The following SPECC1L variants were observed in gnomAD, a reference collection of about 807,000 sequenced individuals.
SPECC1L encodes the protein sperm antigen with calponin homology and coiled-coil domains 1 like.
SPECC1L carries 40 observed loss-of-function variants against 116.8 expected under a neutral mutation model. The observed-to-expected ratio is 0.34, with a 90% CI of 0.27 to 0.45. The LOEUF (loss-of-function observed/expected upper bound fraction) is 0.45, where lower values mean the gene tolerates loss of function less well. Ranked by LOEUF, SPECC1L falls within the 20% of genes least tolerant of loss-of-function variation. SPECC1L has a pLI of 1.00. For synonymous variants in SPECC1L, 504 were observed against 500.6 expected, an observed-to-expected ratio of 1.01 and a Z score of -0.09; for missense variants, 1,110 against 1,373.6, an observed-to-expected ratio of 0.81 and a Z score of 3.03.
chr22:24,271,767 A>C (rs1301952269), intron 1 of SPECC1L, among the ~76,000 whole-genome samples: 1 of 152,224 alleles, frequency 6.6e-6, no homozygotes, highest in Non-Finnish European at 1.5e-5. Flanking sequence ...TGATTTGTTG[A>C]TATCCTTGAT....
chr22:24,350,057 T>A (rs1282296852), intron 11 of SPECC1L, among the ~76,000 whole-genome samples: 1 of 152,140 alleles, frequency 6.6e-6, no homozygotes, highest in Admixed American at 6.5e-5. Context: ...CCACATGGGC[T>A]TCCCTGCTGT....
chr22:24,282,859 C>T (rs1349534712), intron 2 of SPECC1L, among the ~76,000 whole-genome samples: 4 of 149,996 alleles, frequency 2.7e-5, no homozygotes, highest in Non-Finnish European at 5.9e-5. Context: ...CTTACTGCAA[C>T]CTCTGCCTCC....
chr22:24,370,682 G>C (rs1429807058), intron 14 of SPECC1L, among the ~76,000 whole-genome samples: 2 of 152,196 alleles, frequency 1.3e-5, no homozygotes, highest in Non-Finnish European at 2.9e-5. Flanking sequence ...CCAAGTGTCT[G>C]TCGATAGAAG....
intron 4 of SPECC1L, among the ~76,000 whole-genome samples, chr22:24,320,410 G>A (rs1257893876): frequency 1.3e-5 from 2 of 152,094 alleles, no homozygotes; most frequent in African/African-American, 2.4e-5. Flanking sequence ...TTTGATTGAC[G>A]CATCATCATT....
rs780459545 is a variant in SPECC1L, at chr22:24,302,226, C to T, written c.-6C>T. ...TTGTAAATGCATCACGAAGAGGCAG[C>T]CCAGAATGAAGAAAGCAAGCAGGAG... is the stretch of plus-strand genomic sequence containing the variant. On this transcript the variant is annotated 5_prime_UTR_variant, in exon 3 of 17. Coordinates refer to ENST00000314328, the MANE Select transcript of SPECC1L (RefSeq NM_015330.6). The T allele has an allele frequency of 8.7e-6, 14 of 1,613,766 alleles. No individual in the cohort carries two copies. In the East Asian group the frequency reaches 3.1e-4, roughly 36 times the overall value.
chr22:24,336,809 TCAGA>T (rs1420716945), intron 9 of SPECC1L, among the ~76,000 whole-genome samples: 2 of 152,152 alleles, frequency 1.3e-5, no homozygotes, highest in African/African-American at 4.8e-5. Flanking sequence ...AAATAGATAA[TCAGA>T]CAAATACAGT....
Position 24,414,557 on chromosome 22 carries a change from T to C in SPECC1L, c.3288T>C (p.Thr1096=), listed in dbSNP as rs778942594. The C allele has an allele frequency of 6.2e-6, 10 of 1,613,882 alleles. No homozygotes were observed. The highest frequency in any genetic ancestry group is 7.6e-6 in the Non-Finnish European group (9 of 1,179,970). The change falls in exon 17 of 17, where the codon ACT becomes ACC. Residue 1096 remains threonine (T), a synonymous_variant. Transcript: ENST00000314328. Reference sequence around the variant, plus strand: ...AGGACATTAATGAAATGGTACGGACTGAACGACCCGACTGGCAGAACGTGA... The same window carrying C: ...AGGACATTAATGAAATGGTACGGACCGAACGACCCGACTGGCAGAACGTGA... ...STLDINEMVR[T]ERPDWQNVML... is the part of the protein sequence containing the mutation.
intron 4 of SPECC1L, among the ~76,000 whole-genome samples, chr22:24,320,491 T>C (rs998668622): frequency 1.3e-5 from 2 of 152,192 alleles, no homozygotes; most frequent in African/African-American, 4.8e-5. Context: ...AGGTGCAAAA[T>C]CTGGAACCAG....
chr22:24,318,486 G>C (rs543464631), intron 4 of SPECC1L, among the ~76,000 whole-genome samples: 1 of 152,104 alleles, frequency 6.6e-6, no homozygotes, highest in African/African-American at 2.4e-5. Context: ...GTCCAGCTTC[G>C]GCTCGGCATC....
intron 14 of SPECC1L, among the ~76,000 whole-genome samples, chr22:24,377,336 CTCACTATGTT>C (rs769820034): frequency 5.3e-5 from 8 of 152,068 alleles, no homozygotes; most frequent in Non-Finnish European, 1.2e-4. Context: ...GACATGAGGT[CTCACTATGTT>C]TCCCAGGCTG....
chr22:24,353,932 A>G (rs151211707), intron 11 of SPECC1L, among the ~76,000 whole-genome samples: 3 of 152,236 alleles, frequency 2.0e-5, no homozygotes, highest in Admixed American at 6.5e-5. Context: ...TTATAAAGAA[A>G]AGAGGTTTAA....
At chr22:24,373,883 A>T (rs1172354708) in intron 14 of SPECC1L, among the ~76,000 whole-genome samples, 1 of 152,204 alleles carries the variant, frequency 6.6e-6, no homozygotes. Flanking sequence ...TCATGTGACA[A>T]AGGGCTAATA....
In SPECC1L at chr22:24,334,507, T is replaced by C. The variant is rs764878919; in HGVS notation, c.2494T>C (p.Ser832Pro). 2.0e-5 allele frequency: 32 copies of C among 1,614,074 alleles called. No individual in the cohort carries two copies. In the East Asian group the frequency reaches 6.9e-4, roughly 35 times the overall value. The stretch of plus-strand genomic sequence containing the variant: ...GGGAATGGGACTGAGTAGAAGGTCC[T>C]CGACTTCCTCAGAGCCAACTCCTAC... ...RQGMGLSRRS[S>P]TSSEPTPTVK... Residue 832 changes from serine (S) to proline (P), a missense_variant, in exon 9 of 17, where the codon TCG (serine) becomes CCG (proline). By Grantham distance (74) the Ser-to-Pro change is moderately conservative (BLOSUM62 -1). This residue lies in a region of SPECC1L where 575 missense variants were observed against 682.4 expected (regional missense o/e 0.84). Coordinates refer to ENST00000314328, the MANE Select transcript of SPECC1L (RefSeq NM_015330.6).
At chr22:24,280,577 A>ATTTTT (rs34634285) in intron 2 of SPECC1L, among the ~76,000 whole-genome samples, 2 of 128,828 alleles carry the variant, frequency 1.6e-5, no homozygotes, top group Non-Finnish European at 3.3e-5. Context: ...TTTCAATAAC[A>ATTTTT]TTTTTTTTTT....
chr22:24,325,960 T>C (rs1389752429), intron 6 of SPECC1L, among the ~76,000 whole-genome samples: 1 of 152,160 alleles, frequency 6.6e-6, no homozygotes, highest in Non-Finnish European at 1.5e-5. Context: ...TTGCTGTTTG[T>C]TTGCTTTTTT....
chr22:24,338,649 T>C (rs531116359), intron 10 of SPECC1L, among the ~76,000 whole-genome samples, 172 bp downstream of exon 10: 1 of 152,358 alleles, frequency 6.6e-6, no homozygotes, highest in East Asian at 1.9e-4. Flanking sequence ...AGATAAATTA[T>C]ATAAGTGTAA....
intron 7 of SPECC1L, 80 bp downstream of exon 7, chr22:24,328,999 T>C: frequency 1.8e-6 from 2 of 1,104,044 alleles, no homozygotes; most frequent in Admixed American, 1.8e-5. Flanking sequence ...CATGTTATCA[T>C]TCATCTTAAG....
intron 13 of SPECC1L, among the ~76,000 whole-genome samples, chr22:24,367,460 A>G (rs957160027): frequency 1.3e-5 from 2 of 151,650 alleles, no homozygotes; most frequent in Admixed American, 1.3e-4. Context: ...CTCATCCGCT[A>G]TTGTTCATGT....
intron 4 of SPECC1L, among the ~76,000 whole-genome samples, chr22:24,316,901 C>A (rs1271165492): frequency 8.2e-6 from 1 of 122,396 alleles, no homozygotes; most frequent in Non-Finnish European, 1.8e-5. Context: ...GCTGGCCGGG[C>A]GGGGGGCTGA....
Sources: allele counts gnomAD v4.1 joint callset (sites outside exome capture counted in the v4.1 genomes callset), GRCh38; gene constraint gnomAD v4.1.1; regional missense constraint gnomAD v4.1.1; transcripts MANE v1.5; gene names NCBI Gene and HGNC (gene_info 2026-07-23, HGNC 2026-07-21).